The following CELSR1 variants were observed in gnomAD, a reference collection of about 807,000 sequenced individuals.
CELSR1 encodes cadherin EGF LAG seven-pass G-type receptor 1.
In CELSR1, 110 loss-of-function variants were observed where a neutral mutation model predicts 249.1. The ratio of observed to expected loss-of-function variants is 0.44; its 90% confidence interval spans 0.38 to 0.52. The LOEUF (loss-of-function observed/expected upper bound fraction) is 0.52, where lower values mean the gene tolerates loss of function less well. Among genes scored for constraint, CELSR1 ranks in the 20% least tolerant of loss-of-function variants. CELSR1 has a pLI of 0.00. For synonymous variants in CELSR1, 2,113 were observed against 1,900.0 expected, an observed-to-expected ratio of 1.11 and a Z score of -2.92; for missense variants, 4,109 against 4,296.4, an observed-to-expected ratio of 0.96 and a Z score of 1.22.
rs2079664198 is a variant in CELSR1, at chr22:46,436,559, C to T, written c.4407-270G>A. Among the ~76,000 whole-genome samples the T allele has an allele frequency of 6.6e-6, 1 of 152,178 alleles. No individual in the cohort carries two copies. Among genetic ancestry groups the T allele is most frequent in the African/African-American group, 2.4e-5 (1 of 41,432 alleles). ...AAAAATATCCCATTTGCACAACATG[C>T]TACAAGTACGACCAGCGGCCAGGAC... On this transcript the variant is annotated intron_variant, in intron 3 of 34. Transcript: ENST00000674500. This position sits in a 1 kb window ranked among gnomAD's most constrained non-coding sequence, Gnocchi z 5.9.
In CELSR1 at chr22:46,433,845, C is replaced by T. The variant is rs375150896; in HGVS notation, c.4523-364G>A. On this transcript the variant is annotated intron_variant, in intron 4 of 34. Coordinates refer to ENST00000674500, the MANE Select transcript of CELSR1 (RefSeq NM_001378328.1). The surrounding 1 kb of genome is among the most constrained non-coding windows in gnomAD (Gnocchi z 5.7). The stretch of plus-strand genomic sequence containing the variant: ...GATTACAGGCACCCACCACCACACC[C>T]GGCTAATTTTTGTATTTTTAGTAGA... 3.0e-4 allele frequency among the ~76,000 whole-genome samples: 45 copies of T among 152,228 alleles called. 3 individuals are homozygous for T. The East Asian group carries it at 5.2e-3, about 18-fold the overall frequency.
At chr22:46,532,713 G>C (rs1177850261) in intron 1 of CELSR1, among the ~76,000 whole-genome samples, 1 of 152,170 alleles carries the variant, frequency 6.6e-6, no homozygotes, top group Non-Finnish European at 1.5e-5. Flanking sequence ...TGGATGCACG[G>C]TCAGGCAAAC....
At chr22:46,453,655 C>T (rs574932665) in intron 2 of CELSR1, among the ~76,000 whole-genome samples, 2 of 152,264 alleles carry the variant, frequency 1.3e-5, no homozygotes, top group South Asian at 4.1e-4. Flanking sequence ...TGACCGGAAG[C>T]GGGTGAGAGA....
rs1392185927 is a variant in CELSR1, at chr22:46,395,965, C to T, written c.5843+640G>A. Among the ~76,000 whole-genome samples the T allele has an allele frequency of 6.6e-6, 1 of 152,206 alleles. No homozygotes were observed. Among genetic ancestry groups the T allele is most frequent in the Non-Finnish European group, 1.5e-5 (1 of 68,040 alleles). ...AATGACTTCAAGCCCAGCGACTCGA[C>T]AGAGAAAGCATTCTCTGTAAACCAC... On this transcript the variant is annotated intron_variant, in intron 13 of 34. Transcript: ENST00000674500. The surrounding 1 kb of genome is among the most constrained non-coding windows in gnomAD (Gnocchi z 5.5).
intron 1 of CELSR1, among the ~76,000 whole-genome samples, chr22:46,475,108 C>T (rs2080194921): frequency 6.6e-6 from 1 of 152,162 alleles, no homozygotes; most frequent in African/African-American, 2.4e-5. Context: ...AACATCCTTC[C>T]TCGTCTCCTA....
rs2080157900 is a variant in CELSR1, at chr22:46,471,785, T to G, written c.3545-7440A>C. Among the ~76,000 whole-genome samples, 1 of 151,972 alleles carries G rather than the reference T, an allele frequency of 6.6e-6. No homozygotes were observed. The highest frequency in any genetic ancestry group is 1.5e-5 in the Non-Finnish European group (1 of 67,978). On this transcript the variant is annotated intron_variant, in intron 1 of 34. Transcript: ENST00000674500. The surrounding 1 kb of genome is among the most constrained non-coding windows in gnomAD (Gnocchi z 4.9). The stretch of plus-strand genomic sequence containing the variant: ...GCAGATTTCCCTCATTTCCACCCAC[T>G]GTCCTCTCCTGTCCCAGGACCCCAC...
Position 46,473,933 on chromosome 22 carries a change from G to A in CELSR1, c.3545-9588C>T, listed in dbSNP as rs147371052. Among the ~76,000 whole-genome samples, 8 of 152,282 alleles carry A rather than the reference G, an allele frequency of 5.3e-5. No individual in the cohort carries two copies. The highest frequency in any genetic ancestry group is 2.1e-4 in the South Asian group (1 of 4,822). ...TTCTGGGCAACAATCTAGGACCTGC[G>A]TCTCACGAATGCAGGTTCACGTCAC... On this transcript the variant is annotated intron_variant, in intron 1 of 34. Coordinates refer to ENST00000674500, the MANE Select transcript of CELSR1 (RefSeq NM_001378328.1). The surrounding 1 kb of genome is among the most constrained non-coding windows in gnomAD (Gnocchi z 6.6).
intron 18 of CELSR1, among the ~76,000 whole-genome samples, chr22:46,387,513 C>T (rs1048446994): frequency 6.9e-5 from 10 of 144,918 alleles, no homozygotes; most frequent in Admixed American, 2.7e-4. Context: ...CCCACCACCC[C>T]GCCCAGCTGA....
At chr22:46,463,669 G>A in intron 2 of CELSR1, 38 bp downstream of exon 2, 1 of 1,482,472 alleles carries the variant, frequency 6.7e-7, no homozygotes, top group East Asian at 2.4e-5. Flanking sequence ...GTGACCTGGG[G>A]ACATGTACAC....
rs766961967 is a variant in CELSR1 at position 46,409,142 on chromosome 22, A to C, written c.5080T>G (p.Phe1694Val). Residue 1694 changes from phenylalanine to valine, a missense_variant, in exon 9 of 35, where the codon TTC (phenylalanine) becomes GTC (valine). Transcript: ENST00000674500. The surrounding 1 kb of genome is among the most constrained non-coding windows in gnomAD (Gnocchi z 9.8). The part of the protein sequence containing the change: ...CEQAMPHPQL[F>V]SGESVVSWSD... Reference sequence around the variant, plus strand: ...CAGGACACGACGCTCTCACCGCTGAAGAGCTGGGGGTGAGGCATGGCTGCG... The same window carrying C: ...CAGGACACGACGCTCTCACCGCTGACGAGCTGGGGGTGAGGCATGGCTGCG... The C allele has an allele frequency of 6.2e-7, 1 of 1,613,222 alleles. No individual in the cohort carries two copies.
intron 19 of CELSR1, among the ~76,000 whole-genome samples, chr22:46,385,054 A>G (rs45595038): frequency 0.031 from 4,731 of 151,940 alleles, 136 homozygotes; most frequent in Non-Finnish European, 0.047. Context: ...GGCTTTCCAA[A>G]GTGCTGGGAT....
chr22:46,418,636 A>G (rs1450907345), intron 5 of CELSR1, among the ~76,000 whole-genome samples: 2 of 152,224 alleles, frequency 1.3e-5, no homozygotes, highest in African/African-American at 4.8e-5. Context: ...CTAAGACGCA[A>G]AGCCACCTGC....
intron 1 of CELSR1, among the ~76,000 whole-genome samples, chr22:46,510,622 A>G (rs1167469757): frequency 3.3e-5 from 5 of 152,230 alleles, no homozygotes; most frequent in South Asian, 2.1e-4. Flanking sequence ...GTCAGAGCGC[A>G]GCGGAAGGAA....
In CELSR1 at chr22:46,464,323, G is replaced by T; in HGVS notation, c.3567C>A (p.Ala1189=). The change falls in exon 2 of 35, where the codon GCC becomes GCA. Residue 1189 remains alanine (A), a synonymous_variant. Coordinates refer to ENST00000674500, the MANE Select transcript of CELSR1 (RefSeq NM_001378328.1). The surrounding 1 kb of genome is among the most constrained non-coding windows in gnomAD (Gnocchi z 8.5). ...SVSDGIHSVT[A]FCTLRVTIIT... ...TGATGGTGACACGCAGGGTGCAGAA[G>T]GCCGTGACGCTGTGGATGCCATCTG... 8 of 1,611,648 alleles carry T rather than the reference G, an allele frequency of 5.0e-6. No homozygotes were observed. The highest frequency in any genetic ancestry group is 6.8e-6 in the Non-Finnish European group (8 of 1,179,052).
rs749773110 is a variant in CELSR1, at chr22:46,423,769, C to G, written c.4611+9624G>C. Among the ~76,000 whole-genome samples the G allele has an allele frequency of 2.0e-5, 3 of 151,740 alleles. No homozygotes were observed. Among genetic ancestry groups the G allele is most frequent in the Non-Finnish European group, 4.4e-5 (3 of 67,974 alleles). ...GTTGGATCACCTGAGGTCAGGAGTT[C>G]GAGACCAGCCTGGCCAACATGGTGA... On this transcript the variant is annotated intron_variant, in intron 5 of 34. Transcript: ENST00000674500. This position sits in a 1 kb window ranked among gnomAD's most constrained non-coding sequence, Gnocchi z 5.6.
rs954359235 is a variant in CELSR1 at position 46,430,310 on chromosome 22, T to G, written c.4611+3083A>C. On this transcript the variant is annotated intron_variant, in intron 5 of 34. Transcript: ENST00000674500. The surrounding 1 kb of genome is among the most constrained non-coding windows in gnomAD (Gnocchi z 4.6). ...ATGTTTTCTTCATCATCCCCAAAAA[T>G]GCAAAAACCAAAACCAGCGAGGTGG... Among the ~76,000 whole-genome samples the G allele has an allele frequency of 6.6e-6, 1 of 152,052 alleles. No homozygotes were observed. Among genetic ancestry groups the G allele is most frequent in the Non-Finnish European group, 1.5e-5 (1 of 68,008 alleles).
Position 46,534,737 on chromosome 22 carries a change from T to C in CELSR1, c.2434A>G (p.Ser812Gly). 1 of 1,613,204 alleles carries C rather than the reference T, an allele frequency of 6.2e-7. No homozygotes were observed. ...TCTCCTGTGTCCTCATCGTTGGCAC[T>C]GAGGGTAGCAATGGAGGTGCCCACA... is the stretch of plus-strand genomic sequence containing the variant. ...RPVGTSIATL[S>G]ANDEDTGENA... The change falls in exon 1 of 35, where the codon AGT becomes GGT. Residue 812 changes from serine (S) to glycine (G), a missense_variant. Physicochemically the swap from Ser to Gly is moderately conservative, Grantham distance 56. This residue lies in a region of CELSR1 where 886 missense variants were observed against 896.5 expected (regional missense o/e 0.99). Transcript: ENST00000674500. This position sits in a 1 kb window ranked among gnomAD's most constrained non-coding sequence, Gnocchi z 9.7.
intron 29 of CELSR1, 64 bp from the exon 30 acceptor site, chr22:46,366,544 T>A: frequency 7.7e-7 from 1 of 1,300,034 alleles, no homozygotes; most frequent in Non-Finnish European, 1.1e-6. Context: ...CCACGGGGAA[T>A]GACTCTGTCC....
intron 23 of CELSR1, 144 bp downstream of exon 23, chr22:46,378,447 T>G: frequency 7.3e-6 from 6 of 817,098 alleles, no homozygotes; most frequent in Non-Finnish European, 1.2e-5. Context: ...GAATGGAAGA[T>G]TTAGTTTGAG....
Sources: gnomAD v4.1 joint callset for allele counts (sites outside exome capture counted in the v4.1 genomes callset) on GRCh38, gnomAD v4.1.1 for gene constraint, gnomAD v4.1.1 regional missense constraint, Gnocchi (gnomAD v3.1) non-coding constraint, MANE v1.5 for transcripts, NCBI Gene and HGNC (gene_info 2026-07-23, HGNC 2026-07-21) for gene names.